MBTD1: variants seen among roughly 807,000 people sequenced by gnomAD.
The protein encoded by MBTD1 is MBT domain-containing protein 1.
In MBTD1, 24 loss-of-function variants were observed where a neutral mutation model predicts 87.8. That is an observed-to-expected ratio of 0.27 (90% confidence interval 0.20 to 0.38). The LOEUF is 0.38. Ranked by LOEUF, MBTD1 falls within the 10% of genes least tolerant of loss-of-function variation. The pLI, the probability that MBTD1 is intolerant of heterozygous loss-of-function variation, is 1.00. For synonymous variants in MBTD1, 237 were observed against 248.6 expected, an observed-to-expected ratio of 0.95 and a Z score of 0.44; for missense variants, 436 against 760.2, an observed-to-expected ratio of 0.57 and a Z score of 5.02.
rs781668891 is a variant in MBTD1 at position 51,202,956 on chromosome 17, A to G, written c.829-21T>C. On this transcript the variant is annotated intron_variant, in intron 9 of 16. Transcript: ENST00000586178. ...GAAACCTTAAAAGCATACAAAAAAA[A>G]CTGCTCGAAATTCATGACAAAGGTC... 3.2e-6 allele frequency: 5 copies of G among 1,575,482 alleles called. No individual in the cohort carries two copies. In the African/African-American group the frequency reaches 6.8e-5, roughly 21 times the overall value.
At chr17:51,181,177 C>T (rs1389932214) in intron 16 of MBTD1, among the ~76,000 whole-genome samples, 1 of 152,064 alleles carries the variant, frequency 6.6e-6, no homozygotes, top group African/African-American at 2.4e-5. Context: ...CAGGCACCCA[C>T]CACCACGCCC....
At chr17:51,186,412 G>A (rs565547794) in intron 16 of MBTD1, 6 of 151,838 alleles carry the variant, frequency 4.0e-5, no homozygotes, top group Admixed American at 1.3e-4. Flanking sequence ...TACTCTCCGA[G>A]AGTCTGGTAA....
intron 2 of MBTD1, among the ~76,000 whole-genome samples, chr17:51,242,583 C>T (rs2054218003): frequency 6.6e-6 from 1 of 152,058 alleles, no homozygotes; most frequent in South Asian, 2.1e-4. Context: ...TTTTAGTCTC[C>T]TCCATCATCC....
At chr17:51,246,811 T>A (rs2054465019) in intron 2 of MBTD1, among the ~76,000 whole-genome samples, 1 of 152,096 alleles carries the variant, frequency 6.6e-6, no homozygotes, top group Non-Finnish European at 1.5e-5. Context: ...AATTTTTTTT[T>A]TTATTCTTAG....
rs762640930 is a variant in MBTD1 at position 51,259,143 on chromosome 17, C to T, written c.-49G>A. On this transcript the variant is annotated splice_region_variant and 5_prime_UTR_variant, in exon 2 of 17. Coordinates refer to ENST00000586178, the MANE Select transcript of MBTD1 (RefSeq NM_017643.3). ...TGTAAGCAGGGTTCAGACTACCTAC[C>T]ACTTGTCAGAGAGGCTGCAGAGGGG... 11 of 627,234 alleles carry T rather than the reference C, an allele frequency of 1.8e-5. No individual in the cohort carries two copies. Among genetic ancestry groups the T allele is most frequent in the Non-Finnish European group, 2.5e-5 (11 of 435,300 alleles). 38.9% of individuals were successfully genotyped at this position (627,234 alleles called of 1,614,324 possible).
rs545821571 is a variant in MBTD1, at chr17:51,239,654, A to G, written c.-48-14445T>C. On this transcript the variant is annotated intron_variant, in intron 2 of 16. Coordinates refer to ENST00000586178, the MANE Select transcript of MBTD1 (RefSeq NM_017643.3). ...TTTGTAGGAGGCTAGCCTGTGCATT[A>G]TAAGATGTCTAGCATCATTTGTGGC... 8.5e-5 allele frequency among the ~76,000 whole-genome samples: 13 copies of G among 152,342 alleles called. No homozygotes were observed. The South Asian group carries it at 1.0e-3, about 12-fold the overall frequency.
Position 51,220,432 on chromosome 17 carries a change from G to C in MBTD1, c.186C>G (p.Val62=). 1 of 1,548,512 alleles carries C rather than the reference G, an allele frequency of 6.5e-7. No individual in the cohort carries two copies. The highest frequency in any genetic ancestry group is 1.2e-5 in the South Asian group (1 of 83,786). The change falls in exon 4 of 17, where the codon GTC becomes GTG. Residue 62 remains valine, a synonymous_variant. Transcript: ENST00000586178. The part of the protein sequence containing the change: ...ATCEMCGMVG[V]RDAFYSKTKR... ...TTGTTTTAGAGTAAAAAGCATCTCG[G>C]ACGCCAACCATCCCACACATCTCAC... is the stretch of plus-strand genomic sequence containing the variant.
intron 2 of MBTD1, chr17:51,250,915 A>G (rs1426082061): frequency 1.3e-5 from 2 of 152,060 alleles, no homozygotes; most frequent in Non-Finnish European, 2.9e-5. Context: ...CTTTTTATTA[A>G]ATTTGAATTT....
intron 2 of MBTD1, among the ~76,000 whole-genome samples, chr17:51,244,305 G>A (rs1401100557): frequency 6.6e-6 from 1 of 152,174 alleles, no homozygotes; most frequent in Non-Finnish European, 1.5e-5. Context: ...TTATCAGTAT[G>A]AATTCACTAA....
chr17:51,215,240 G>A (rs897620818), intron 6 of MBTD1, among the ~76,000 whole-genome samples: 1 of 152,188 alleles, frequency 6.6e-6, no homozygotes, highest in Non-Finnish European at 1.5e-5. Context: ...TTAGCTGCTT[G>A]ATTCCCTGAT....
intron 12 of MBTD1, 124 bp downstream of exon 12, chr17:51,201,468 C>T (rs2051485406): frequency 1.9e-6 from 1 of 521,406 alleles, no homozygotes; most frequent in Non-Finnish European, 3.3e-6. Context: ...TAGCAACCTT[C>T]TCCCCAGTGA....
rs2055373449 is a variant in MBTD1 at position 51,259,936 on chromosome 17, C to G, written c.-214G>C. On this transcript the variant is annotated 5_prime_UTR_variant, in exon 1 of 17. Transcript: ENST00000586178. ...CCGGGCTGGGGGCAGGTGCCTCTCC[C>G]CGGGACTGCGGCGACTACAGGGGGC... The G allele has an allele frequency of 8.3e-7, 1 of 1,208,646 alleles. No homozygotes were observed. Among genetic ancestry groups the G allele is most frequent in the African/African-American group, 1.6e-5 (1 of 64,016 alleles). The allele number at this position is 1,208,646 out of a possible 1,614,324, so 74.9% of individuals were successfully genotyped here.
chr17:51,196,790 C>T (rs1288434467), intron 12 of MBTD1, among the ~76,000 whole-genome samples: 1 of 151,514 alleles, frequency 6.6e-6, no homozygotes, highest in African/African-American at 2.4e-5. Flanking sequence ...ACTTAGGAGG[C>T]TGAGGCAGGG....
chr17:51,241,484 A>C (rs2054157336), intron 2 of MBTD1, among the ~76,000 whole-genome samples: 1 of 152,182 alleles, frequency 6.6e-6, no homozygotes, highest in African/African-American at 2.4e-5. Flanking sequence ...CTGCACGTTC[A>C]CCAGTCAGCA....
intron 7 of MBTD1, among the ~76,000 whole-genome samples, chr17:51,204,698 A>G (rs546119839): frequency 1.3e-3 from 203 of 151,964 alleles, no homozygotes; most frequent in African/African-American, 4.6e-3. Context: ...ATGGGGTTTC[A>G]CCATGTTGGC....
intron 6 of MBTD1, among the ~76,000 whole-genome samples, chr17:51,211,002 T>C (rs554359158): frequency 1.1e-3 from 168 of 151,652 alleles, no homozygotes; most frequent in African/African-American, 3.9e-3. Flanking sequence ...CCGGGTGTGG[T>C]GGCACGCACC....
chr17:51,224,681 C>T (rs1426512825), intron 3 of MBTD1, among the ~76,000 whole-genome samples: 2 of 152,146 alleles, frequency 1.3e-5, no homozygotes, highest in African/African-American at 2.4e-5. Flanking sequence ...AGCCCAACCT[C>T]GAATGTCTCT....
intron 2 of MBTD1, among the ~76,000 whole-genome samples, chr17:51,255,523 G>T (rs1485119875): frequency 6.6e-6 from 1 of 151,958 alleles, no homozygotes; most frequent in Non-Finnish European, 1.5e-5. Flanking sequence ...TACTTCTCTG[G>T]TGTATAAAAT....
rs145105341 is a variant in MBTD1, at chr17:51,242,750, G to T, written c.-49+16393C>A. ...GGGTAACCAACTTTATCACTTTCCGGTTCATTCTTCCTGTGTACATTTTGA... is the reference window on the plus strand; with the variant it reads ...GGGTAACCAACTTTATCACTTTCCGTTTCATTCTTCCTGTGTACATTTTGA... On this transcript the variant is annotated intron_variant, in intron 2 of 16. Coordinates refer to ENST00000586178, the MANE Select transcript of MBTD1 (RefSeq NM_017643.3). Among the ~76,000 whole-genome samples the T allele has an allele frequency of 1.6e-4, 25 of 152,150 alleles. No individual in the cohort carries two copies. In the Middle Eastern group the frequency reaches 0.01, roughly 62 times the overall value.
Sources: allele counts gnomAD v4.1 joint callset (sites outside exome capture counted in the v4.1 genomes callset), GRCh38; gene constraint gnomAD v4.1.1; transcripts MANE v1.5; gene names NCBI Gene and HGNC (gene_info 2026-07-23, HGNC 2026-07-21).